The following DLC1 variants were observed in gnomAD, a reference collection of about 807,000 sequenced individuals.
DLC1 encodes the protein rho GTPase-activating protein 7.
In DLC1, 54 loss-of-function variants were observed where a neutral mutation model predicts 140.3. That is an observed-to-expected ratio of 0.38 (90% CI 0.31 to 0.48). DLC1 has a LOEUF of 0.48. Among genes scored for constraint, DLC1 ranks in the 20% least tolerant of loss-of-function variants. The pLI is 0.96. For synonymous variants in DLC1, 986 were observed against 728.1 expected (o/e 1.35, Z -5.70); for missense variants, 2,536 against 1,907.0 (o/e 1.33, Z -6.14).
intron 5 of DLC1, among the ~76,000 whole-genome samples, chr8:13,282,594 C>G (rs1831402450): frequency 1.3e-5 from 2 of 151,890 alleles, no homozygotes; most frequent in Non-Finnish European, 2.9e-5. Flanking sequence ...GAAATAATTT[C>G]CTTTATTTTG....
chr8:13,522,882 G>A (rs1802806073), intron 1 of DLC1, among the ~76,000 whole-genome samples: 1 of 151,980 alleles, frequency 6.6e-6, no homozygotes, highest in Non-Finnish European at 1.5e-5. Flanking sequence ...AGATATCTTG[G>A]GTCACAGAGT....
intron 4 of DLC1, among the ~76,000 whole-genome samples, chr8:13,359,191 G>A (rs1015170484): frequency 7.2e-5 from 11 of 152,106 alleles, no homozygotes; most frequent in African/African-American, 2.7e-4. Flanking sequence ...CAGTGCCTCG[G>A]CCTCCCAAAT....
At chr8:13,265,548 A>C (rs1442159746) in intron 5 of DLC1, among the ~76,000 whole-genome samples, 2 of 152,198 alleles carry the variant, frequency 1.3e-5, no homozygotes, top group East Asian at 3.9e-4. Flanking sequence ...TGTGTGTGGT[A>C]GTGGCTGAGA....
upstream of DLC1, chr8:13,515,374 C>T (rs181551076): frequency 6.6e-6 from 1 of 152,172 alleles, no homozygotes; most frequent in Non-Finnish European, 1.5e-5. Flanking sequence ...GTTAATAGAA[C>T]GATTTCTTCC....
chr8:13,366,595 C>T (rs1835491803), intron 4 of DLC1, among the ~76,000 whole-genome samples: 1 of 152,166 alleles, frequency 6.6e-6, no homozygotes, highest in Admixed American at 6.6e-5. Context: ...TTCCCAAGTT[C>T]AGACAAGAAG....
chr8:13,383,818 A>G (rs1254287396), intron 4 of DLC1, among the ~76,000 whole-genome samples: 1 of 152,190 alleles, frequency 6.6e-6, no homozygotes, highest in Non-Finnish European at 1.5e-5. Flanking sequence ...CAGCCACACG[A>G]ATAAGCCAAT....
intron 1 of DLC1, among the ~76,000 whole-genome samples, chr8:13,536,492 G>A (rs756367532): frequency 1.3e-5 from 2 of 152,164 alleles, no homozygotes; most frequent in African/African-American, 4.8e-5. Flanking sequence ...TTCATATTCA[G>A]TATTTAATTG....
Position 13,400,902 on chromosome 8 carries a change from A to G in DLC1, c.1173+568T>C, listed in dbSNP as rs376377062. Among the ~76,000 whole-genome samples the G allele has an allele frequency of 8.5e-5, 13 of 152,218 alleles. 1 individual carries two copies. The East Asian group carries it at 1.7e-3, about 20-fold the overall frequency. Reference sequence around the variant, plus strand: ...GTGTTGGACTCTTAAGAGAGTGTCTATATTATGTAAAACTGATGCATAATA... The same window carrying G: ...GTGTTGGACTCTTAAGAGAGTGTCTGTATTATGTAAAACTGATGCATAATA... On this transcript the variant is annotated intron_variant, in intron 3 of 17. Transcript: ENST00000276297.
intron 1 of DLC1, among the ~76,000 whole-genome samples, chr8:13,551,657 GT>G (rs1187658782): frequency 6.6e-6 from 1 of 151,836 alleles, no homozygotes; most frequent in Non-Finnish European, 1.5e-5. Flanking sequence ...ATGATTGAAG[GT>G]GAGACATCTT....
Position 13,393,562 on chromosome 8 carries a change from G to A in DLC1, c.1305C>T (p.Pro435=), listed in dbSNP as rs765246973. 1 of 1,613,926 alleles carries A rather than the reference G, an allele frequency of 6.2e-7. No homozygotes were observed. The highest frequency in any genetic ancestry group is 8.5e-7 in the Non-Finnish European group (1 of 1,179,932). ...STPVANSGTK[P]KTTAIQGISE... ...ATTATTTAGAACTCACCGTAGTCTT[G>A]GGTTTGGTTCCAGAATTGGCTACTG... Residue 435 remains proline (P), a synonymous_variant, in exon 4 of 18, where the codon CCC becomes CCT. Coordinates refer to ENST00000276297, the MANE Select transcript of DLC1 (RefSeq NM_182643.3).
chr8:13,348,962 C>T (rs1032785314), intron 4 of DLC1, among the ~76,000 whole-genome samples: 6 of 152,074 alleles, frequency 3.9e-5, no homozygotes, highest in African/African-American at 7.2e-5. Context: ...AGGCAGCAGC[C>T]GCTCTGGAAG....
chr8:13,587,172 C>T (rs1321447241), intron 1 of DLC1, among the ~76,000 whole-genome samples: 1 of 151,328 alleles, frequency 6.6e-6, no homozygotes, highest in Non-Finnish European at 1.5e-5. Context: ...TGCACAGATG[C>T]ACATTTTATT....
In DLC1 at chr8:13,151,810, T is replaced by C. The variant is rs144151810; in HGVS notation, c.1349-36153A>G. 2.6e-5 allele frequency among the ~76,000 whole-genome samples: 4 copies of C among 152,314 alleles called. No individual in the cohort carries two copies. The East Asian group carries it at 7.7e-4, about 29-fold the overall frequency. ...GGTTGGGGAAAGACTTTTTATTCCA[T>C]ACTATATTACACCTTTAAAATTTTA... On this transcript the variant is annotated intron_variant, in intron 5 of 17. Coordinates refer to ENST00000276297, the MANE Select transcript of DLC1 (RefSeq NM_182643.3).
intron 5 of DLC1, among the ~76,000 whole-genome samples, chr8:13,171,424 TCAGACTGGAGTGCTGTCACC>T (rs576584720): frequency 0.011 from 1,701 of 152,286 alleles, 12 homozygotes; most frequent in South Asian, 0.036. Flanking sequence ...GCTCTGTCAC[TCAGACTGGAGTGCTGTCACC>T]CAGACTGGAG....
chr8:13,391,179 A>AG (rs141144942), intron 4 of DLC1, among the ~76,000 whole-genome samples: 23,416 of 151,974 alleles, frequency 0.15, 1,924 homozygotes, highest in South Asian at 0.18. Context: ...CTGCATGTGT[A>AG]TTGTCTAAGT....
chr8:13,562,924 C>A, intron 1 of DLC1, among the ~76,000 whole-genome samples: 1 of 151,128 alleles, frequency 6.6e-6, no homozygotes. Flanking sequence ...AAAAAAAACG[C>A]CATAAAGCAA....
chr8:13,541,001 G>A (rs1451460180), intron 1 of DLC1, among the ~76,000 whole-genome samples: 1 of 152,162 alleles, frequency 6.6e-6, no homozygotes, highest in Non-Finnish European at 1.5e-5. Flanking sequence ...TGCTATCATA[G>A]GAACTATTTA....
Position 13,256,876 on chromosome 8 carries a change from A to G in DLC1, c.1348+48393T>C, listed in dbSNP as rs1262049595. ...GTAAGTTCTGCACATGTATCCCAGA[A>G]CTTAAAAAAAAAAAAAAAAAAAAGG... On this transcript the variant is annotated intron_variant, in intron 5 of 17. Transcript: ENST00000276297. Among the ~76,000 whole-genome samples the G allele has an allele frequency of 2.1e-5, 3 of 144,348 alleles. No individual in the cohort carries two copies. The East Asian group carries it at 5.9e-4, about 28-fold the overall frequency. 94.7% of individuals were successfully genotyped at this position (144,348 alleles called of 152,430 possible).
intron 2 of DLC1, among the ~76,000 whole-genome samples, chr8:13,412,061 A>G (rs1009150696): frequency 8.5e-5 from 13 of 152,350 alleles, no homozygotes; most frequent in African/African-American, 3.1e-4. Context: ...TTAAAATACA[A>G]TTATAGACTG....
Sources: gnomAD v4.1 joint callset for allele counts (sites outside exome capture counted in the v4.1 genomes callset) on GRCh38, gnomAD v4.1.1 for gene constraint, MANE v1.5 for transcripts, NCBI Gene and HGNC (gene_info 2026-07-23, HGNC 2026-07-21) for gene names.